Variants in CCDC6 observed in about 807,000 individuals in gnomAD.
The protein encoded by CCDC6 is coiled-coil domain-containing protein 6.
CCDC6 carries 20 observed loss-of-function variants against 56.6 expected under a neutral mutation model. The observed-to-expected ratio is 0.35, with a 90% CI of 0.25 to 0.51. The LOEUF is 0.51. CCDC6 is among the 20% of genes least tolerant of loss of function. The probability of loss-of-function intolerance (pLI) is 0.95; values close to 1 mark genes in which losing one functional copy is unlikely to be tolerated. For synonymous variants in CCDC6, 241 were observed against 234.4 expected (o/e 1.03, Z -0.26); for missense variants, 367 against 601.1 (o/e 0.61, Z 4.07).
intron 1 of CCDC6, among the ~76,000 whole-genome samples, chr10:59,859,361 A>C (rs1461195165): frequency 6.6e-6 from 1 of 152,282 alleles, no homozygotes; most frequent in African/African-American, 2.4e-5. Flanking sequence ...TAACTCCCCT[A>C]AATCCTCATC....
chr10:59,794,459 C>A lies in CCDC6; in HGVS notation c.1230+14G>T. On this transcript the variant is annotated intron_variant, in intron 8 of 8. Transcript: ENST00000263102. ...CAGGAGTAAAGTGCTGCTTCCTACC[C>A]CACGGACACTTACTGTGATACCATG... 6.2e-7 allele frequency: 1 copy of A among 1,613,752 alleles called. No homozygotes were observed. The highest frequency in any genetic ancestry group is 8.5e-7 in the Non-Finnish European group (1 of 1,179,798).
rs1564755850 is a variant in CCDC6 at position 59,882,071 on chromosome 10, GCGGGGAGAAGGAAAGGAAA to G, written c.303+24032_303+24050del. Among the ~76,000 whole-genome samples the G allele has an allele frequency of 4.4e-3, 141 of 32,102 alleles. 1 individual carries two copies. The highest frequency in any genetic ancestry group is 9.7e-3 in the African/African-American group (35 of 3,608). 21.1% of individuals were successfully genotyped at this position (32,102 alleles called of 152,430 possible). ...CCAGGGGGAGAAGGAAAGGAAAGCC[GCGGGGAGAAGGAAAGGAAA>G]GCCGGGGGGAGAAGGAAAGGAAAGC... On this transcript the variant is annotated intron_variant, in intron 1 of 8. Transcript: ENST00000263102.
intron 1 of CCDC6, among the ~76,000 whole-genome samples, chr10:59,893,615 AATACATACATACATACATACATACATAC>A (rs67669225): frequency 4.0e-5 from 6 of 148,644 alleles, no homozygotes; most frequent in African/African-American, 7.5e-5. Flanking sequence ...CAAACAAACA[AATACATACATACATACATACATACATAC>A]ATACATACAT....
intron 1 of CCDC6, among the ~76,000 whole-genome samples, chr10:59,881,578 G>A (rs552397032): frequency 2.0e-5 from 3 of 152,268 alleles, no homozygotes; most frequent in African/African-American, 7.2e-5. Flanking sequence ...GCATAAATGT[G>A]TAAGATTTTA....
chr10:59,846,081 T>C (rs1230203465), intron 2 of CCDC6, among the ~76,000 whole-genome samples: 2 of 152,112 alleles, frequency 1.3e-5, no homozygotes, highest in Admixed American at 6.5e-5. Flanking sequence ...AAGAAGAGAA[T>C]TGGGAGTCTA....
At chr10:59,877,633 A>C (rs72811515) in intron 1 of CCDC6, among the ~76,000 whole-genome samples, 9 of 152,356 alleles carry the variant, frequency 5.9e-5, no homozygotes, top group Non-Finnish European at 1.3e-4. Context: ...AGGAGCCAGC[A>C]CTGTCTAAAT....
At chr10:59,816,317 C>T (rs2070709403) in intron 3 of CCDC6, among the ~76,000 whole-genome samples, 1 of 152,216 alleles carries the variant, frequency 6.6e-6, no homozygotes, top group East Asian at 1.9e-4. Context: ...TGTGACGACA[C>T]AGCTCTAGGC....
chr10:59,899,114 T>G (rs1170623646), intron 1 of CCDC6, among the ~76,000 whole-genome samples: 1 of 152,164 alleles, frequency 6.6e-6, no homozygotes, highest in Non-Finnish European at 1.5e-5. Context: ...CTTGGAGAAG[T>G]AGGAAGAATC....
intron 3 of CCDC6, among the ~76,000 whole-genome samples, chr10:59,820,588 A>C (rs1314946065): frequency 6.6e-6 from 1 of 152,108 alleles, no homozygotes; most frequent in East Asian, 1.9e-4. Flanking sequence ...CTCTACAAAA[A>C]AAATAAAAAA....
In CCDC6 at chr10:59,792,310, G is replaced by A. The variant is rs1481422495; in HGVS notation, c.*607C>T. 1 of 360,556 alleles carries A rather than the reference G, an allele frequency of 2.8e-6. No homozygotes were observed. Among genetic ancestry groups the A allele is most frequent in the Non-Finnish European group, 5.2e-6 (1 of 192,990 alleles). 22.3% of individuals were successfully genotyped at this position (360,556 alleles called of 1,614,324 possible). On this transcript the variant is annotated 3_prime_UTR_variant, in exon 9 of 9. Coordinates refer to ENST00000263102, the MANE Select transcript of CCDC6 (RefSeq NM_005436.5). Reference sequence around the variant, plus strand: ...TTACTTTGGGCCATCTGTTTTACGAGAGACATGGATGTCAATAACACAATG... The same window carrying A: ...TTACTTTGGGCCATCTGTTTTACGAAAGACATGGATGTCAATAACACAATG...
intron 2 of CCDC6, among the ~76,000 whole-genome samples, chr10:59,849,737 C>T (rs542758095): frequency 6.6e-6 from 1 of 152,308 alleles, no homozygotes; most frequent in African/African-American, 2.4e-5. Flanking sequence ...AGCATGATTT[C>T]TCTTAGCAGG....
intron 1 of CCDC6, among the ~76,000 whole-genome samples, chr10:59,855,506 CA>C (rs1438163231): frequency 5.3e-5 from 8 of 152,182 alleles, no homozygotes; most frequent in African/African-American, 1.9e-4. Context: ...GCGGAGATTG[CA>C]GTGAGCCAAG....
intron 1 of CCDC6, among the ~76,000 whole-genome samples, chr10:59,882,519 CAG>C (rs773703258): frequency 0.012 from 196 of 17,006 alleles, 10 homozygotes; most frequent in South Asian, 0.013. Flanking sequence ...AAAGGAAAGC[CAG>C]GGGGAGAAGG....
intron 1 of CCDC6, among the ~76,000 whole-genome samples, chr10:59,872,865 T>G (rs2132669683): frequency 6.6e-6 from 1 of 152,092 alleles, no homozygotes; most frequent in South Asian, 2.1e-4. Context: ...ATTGCTAAGC[T>G]GTCATTAGGA....
chr10:59,861,062 A>T (rs1282469462), intron 1 of CCDC6, among the ~76,000 whole-genome samples: 1 of 152,108 alleles, frequency 6.6e-6, no homozygotes, highest in Non-Finnish European at 1.5e-5. Context: ...TGGCCGTGGT[A>T]GCGAGCACCT....
At chr10:59,806,186 G>C (rs1009212109) in intron 6 of CCDC6, among the ~76,000 whole-genome samples, 1 of 152,186 alleles carries the variant, frequency 6.6e-6, no homozygotes, top group Non-Finnish European at 1.5e-5. Context: ...GGGTTTCTCT[G>C]CAGATTGAAC....
chr10:59,829,807 T>C (rs1357524907), intron 3 of CCDC6, among the ~76,000 whole-genome samples: 1 of 152,218 alleles, frequency 6.6e-6, no homozygotes, highest in Non-Finnish European at 1.5e-5. Flanking sequence ...TTCACAACAA[T>C]GTCCTAAAAT....
At chr10:59,868,427 G>A (rs991394880) in intron 1 of CCDC6, among the ~76,000 whole-genome samples, 5 of 152,214 alleles carry the variant, frequency 3.3e-5, no homozygotes, top group Non-Finnish European at 5.9e-5. Flanking sequence ...TGTCCAGCCC[G>A]CCGCCACTAG....
chr10:59,873,575 G>A (rs1033782331), intron 1 of CCDC6, among the ~76,000 whole-genome samples: 1 of 152,264 alleles, frequency 6.6e-6, no homozygotes, highest in East Asian at 1.9e-4. Context: ...CACTCAGTCT[G>A]TGAAACATTG....
Sources: allele counts gnomAD v4.1 joint callset (sites outside exome capture counted in the v4.1 genomes callset), GRCh38; gene constraint gnomAD v4.1.1; transcripts MANE v1.5; gene names NCBI Gene and HGNC (gene_info 2026-07-23, HGNC 2026-07-21).